ELFN1: variants seen among roughly 807,000 people sequenced by gnomAD.
The protein encoded by ELFN1 is extracellular leucine rich repeat and fibronectin type III domain containing 1.
Under a neutral mutation model 7.6 loss-of-function variants are expected in ELFN1, and 6 were observed. The observed-to-expected ratio is 0.79, with a 90% CI of 0.43 to 1.56. The LOEUF (loss-of-function observed/expected upper bound fraction) is 1.56. Ranked by LOEUF, ELFN1 falls within the 40% of genes most tolerant of loss-of-function variation. ELFN1 has a pLI of 0.01. For missense variants in ELFN1, 1,169 were observed against 1,232.2 expected (o/e 0.95, Z 0.77); for synonymous variants, 657 against 588.1 (o/e 1.12, Z -1.70).
At chr7:1,666,693 A>G (rs1778676379), upstream of ELFN1, among the ~76,000 whole-genome samples, 1 of 151,036 alleles carries the variant, frequency 6.6e-6, no homozygotes, top group Non-Finnish European at 1.5e-5. This position sits in a 1 kb window ranked among gnomAD's most constrained non-coding sequence, Gnocchi z 7.9. Flanking sequence ...CGGCGCCCCA[A>G]GTTGAACCAC....
chr7:1,740,783 C>A lies in ELFN1; in HGVS notation c.-293-3521C>A, dbSNP rs1256005705. On this transcript the variant is annotated intron_variant, in intron 3 of 3. Transcript: ENST00000424383. This position sits in a 1 kb window ranked among gnomAD's most constrained non-coding sequence, Gnocchi z 5.0. ...ACAGTGTGACTTCGGACAAGTCCTT[C>A]TGTGTCTGTGCCTCAGTTTCCCCGC... Among the ~76,000 whole-genome samples, 1 of 152,188 alleles carries A rather than the reference C, an allele frequency of 6.6e-6. No homozygotes were observed. The highest frequency in any genetic ancestry group is 2.4e-5 in the African/African-American group (1 of 41,446).
intron 3 of ELFN1, among the ~76,000 whole-genome samples, chr7:1,731,800 C>T (rs1027510063): frequency 1.3e-5 from 2 of 152,216 alleles, no homozygotes; most frequent in African/African-American, 4.8e-5. Flanking sequence ...CAGGCCCCCA[C>T]CACCACGCCT....
chr7:1,706,315 G>T (rs1370922063), intron 2 of ELFN1, among the ~76,000 whole-genome samples: 4 of 152,086 alleles, frequency 2.6e-5, no homozygotes, highest in African/African-American at 9.7e-5. Context: ...CCCAGCTACT[G>T]GGGAGGCTGA....
intron 2 of ELFN1, among the ~76,000 whole-genome samples, chr7:1,707,818 C>T (rs1022256903): frequency 1.3e-5 from 2 of 152,212 alleles, no homozygotes; most frequent in Admixed American, 6.5e-5. Flanking sequence ...GCCACTCACT[C>T]ATCTATTTGC....
intron 1 of ELFN1, among the ~76,000 whole-genome samples, chr7:1,672,567 G>C (rs1443201780): frequency 6.6e-6 from 1 of 152,194 alleles, no homozygotes; most frequent in Non-Finnish European, 1.5e-5. Context: ...TGAGATCAAT[G>C]GGGTAAAATC....
In ELFN1 at chr7:1,695,837, G is replaced by T. The variant is rs1275244954; in HGVS notation, c.-456+7687G>T. Among the ~76,000 whole-genome samples the T allele has an allele frequency of 6.7e-6, 1 of 148,902 alleles. No homozygotes were observed. The highest frequency in any genetic ancestry group is 2.5e-5 in the African/African-American group (1 of 40,270). ...CACAAACATTTACTCAGCAAATCTT[G>T]TTGGGCCCGCCAGGCCCTAGGGTTA... is the stretch of plus-strand genomic sequence containing the variant. On this transcript the variant is annotated intron_variant, in intron 2 of 3. Coordinates refer to ENST00000424383, the MANE Select transcript of ELFN1 (RefSeq NM_001128636.4). This position sits in a 1 kb window ranked among gnomAD's most constrained non-coding sequence, Gnocchi z 5.1.
chr7:1,715,408 C>A (rs1452117815), intron 3 of ELFN1, among the ~76,000 whole-genome samples: 1 of 152,202 alleles, frequency 6.6e-6, no homozygotes, highest in Non-Finnish European at 1.5e-5. Context: ...CAAGGGCACC[C>A]CCTGCCTCCA....
rs1219105026 is a variant in ELFN1, at chr7:1,746,271, G to A, written c.1675G>A (p.Ala559Thr). 3.1e-6 allele frequency: 5 copies of A among 1,595,426 alleles called. No homozygotes were observed. The highest frequency in any genetic ancestry group is 2.3e-5 in the East Asian group (1 of 43,908). ...QSSVAEISTI[A>T]KEVDKVNQII... ...TTCGGTGGCCGAGATCTCCACCATC[G>A]CCAAGGAGGTGGACAAGGTCAACCA... The change falls in exon 4 of 4, where the codon GCC (alanine) becomes ACC (threonine). Residue 559 changes from alanine (A) to threonine (T), a missense_variant. Coordinates refer to ENST00000424383, the MANE Select transcript of ELFN1 (RefSeq NM_001128636.4).
upstream of ELFN1, among the ~76,000 whole-genome samples, chr7:1,666,074 A>AGC (rs1554244080): frequency 4.0e-5 from 6 of 148,694 alleles, no homozygotes; most frequent in Admixed American, 4.0e-4. The surrounding 1 kb of genome is among the most constrained non-coding windows in gnomAD (Gnocchi z 7.9). Flanking sequence ...AAGGAGGGGA[A>AGC]GCCGCCGCCG....
At chr7:1,718,167 A>T (rs910674164) in intron 3 of ELFN1, among the ~76,000 whole-genome samples, 1 of 152,158 alleles carries the variant, frequency 6.6e-6, no homozygotes, top group Non-Finnish European at 1.5e-5. Context: ...CTTTTAAGGG[A>T]GTCGTTCACC....
At chr7:1,728,452 A>G (rs953656689) in intron 3 of ELFN1, among the ~76,000 whole-genome samples, 6 of 152,250 alleles carry the variant, frequency 3.9e-5, no homozygotes, top group Admixed American at 6.5e-5. Flanking sequence ...GGCGAGCAGA[A>G]GCCAGCTGCT....
At chr7:1,711,581 A>AGC (rs1779654813) in intron 3 of ELFN1, among the ~76,000 whole-genome samples, 1 of 35,428 alleles carries the variant, frequency 2.8e-5, no homozygotes, top group East Asian at 5.3e-4. Context: ...AGAGTGAGAG[A>AGC]GAGAGAGAGA....
chr7:1,690,447 G>C (rs1332025882), intron 2 of ELFN1, among the ~76,000 whole-genome samples: 2 of 151,566 alleles, frequency 1.3e-5, no homozygotes, highest in Non-Finnish European at 2.9e-5. Context: ...ATGGATGAAG[G>C]ATGAATGGAT....
chr7:1,733,756 C>T (rs1780373170), intron 3 of ELFN1, among the ~76,000 whole-genome samples: 1 of 152,182 alleles, frequency 6.6e-6, no homozygotes, highest in Non-Finnish European at 1.5e-5. Context: ...GCACAATTAA[C>T]AGCAGCCAGG....
rs543870093 is a variant in ELFN1, at chr7:1,696,813, G to A, written c.-456+8663G>A. Reference sequence around the variant, plus strand: ...CGCTGCCTCCTCTCATCAGCCGGGGGCCAGGGCTTCATCCCAGGGATGCTG... The same window carrying A: ...CGCTGCCTCCTCTCATCAGCCGGGGACCAGGGCTTCATCCCAGGGATGCTG... On this transcript the variant is annotated intron_variant, in intron 2 of 3. Transcript: ENST00000424383. 3.9e-5 allele frequency among the ~76,000 whole-genome samples: 6 copies of A among 152,262 alleles called. No homozygotes were observed. In the East Asian group the frequency reaches 1.2e-3, roughly 29 times the overall value.
chr7:1,675,338 G>T (rs1383405791), intron 1 of ELFN1, among the ~76,000 whole-genome samples: 3 of 152,238 alleles, frequency 2.0e-5, no homozygotes, highest in Non-Finnish European at 2.9e-5. Context: ...GGGGGCGGGG[G>T]TCTGTCCACG....
intron 3 of ELFN1, among the ~76,000 whole-genome samples, chr7:1,713,627 C>T (rs1366296683): frequency 6.6e-6 from 1 of 152,114 alleles, no homozygotes; most frequent in Non-Finnish European, 1.5e-5. Flanking sequence ...GGAGAGAGGC[C>T]GGTGGCTGTG....
At chr7:1,679,773 C>T (rs901857607) in intron 1 of ELFN1, among the ~76,000 whole-genome samples, 1 of 152,238 alleles carries the variant, frequency 6.6e-6, no homozygotes, top group African/African-American at 2.4e-5. Flanking sequence ...GGCCACACTC[C>T]AACAGTGGCT....
chr7:1,724,200 G>A (rs889129061), intron 3 of ELFN1, among the ~76,000 whole-genome samples: 3 of 152,214 alleles, frequency 2.0e-5, no homozygotes, highest in East Asian at 1.9e-4. Flanking sequence ...TGCCTGGCGC[G>A]TGGTAGGTGC....
Sources: gnomAD v4.1 joint callset for allele counts (sites outside exome capture counted in the v4.1 genomes callset) on GRCh38, gnomAD v4.1.1 for gene constraint, Gnocchi (gnomAD v3.1) non-coding constraint, MANE v1.5 for transcripts, NCBI Gene and HGNC (gene_info 2026-07-23, HGNC 2026-07-21) for gene names.